Variants in PRPF31 observed in about 807,000 individuals in gnomAD.
PRPF31 encodes pre-mRNA processing factor 31, also known as U4/U6 small nuclear ribonucleoprotein Prp31.
Under a neutral mutation model 60.4 loss-of-function variants are expected in PRPF31, and 12 were observed. That is an observed-to-expected ratio of 0.20 (90% CI 0.13 to 0.32). PRPF31 has a LOEUF of 0.32. Ranked by LOEUF, PRPF31 falls within the 10% of genes least tolerant of loss-of-function variation. The pLI is 1.00. For missense variants in PRPF31, 431 were observed against 687.1 expected, an observed-to-expected ratio of 0.63 and a Z score of 4.17; for synonymous variants, 287 against 287.9, an observed-to-expected ratio of 1.00 and a Z score of 0.03.
intron 13 of PRPF31, among the ~76,000 whole-genome samples, 190 bp from the exon 14 acceptor site, chr19:54,131,117 C>G (rs1245769031): frequency 6.6e-6 from 1 of 152,180 alleles, no homozygotes; most frequent in Admixed American, 6.5e-5. Flanking sequence ...GCCCTGGTTC[C>G]TCCCCACCCT....
At chr19:54,116,439 CAG>C (rs2073641177) in intron 1 of PRPF31, among the ~76,000 whole-genome samples, 1 of 151,982 alleles carries the variant, frequency 6.6e-6, no homozygotes, top group East Asian at 1.9e-4. Flanking sequence ...CTCCTGACCT[CAG>C]ATGATCCACC....
At chr19:54,130,659 G>T (rs1289511043) in intron 13 of PRPF31, among the ~76,000 whole-genome samples, 1 of 151,994 alleles carries the variant, frequency 6.6e-6, no homozygotes, top group Non-Finnish European at 1.5e-5. Flanking sequence ...ATGCCAGGGA[G>T]GGGAGGAGGT....
rs775546768 is a variant in PRPF31 at position 54,123,787 on chromosome 19, A to C, written c.566A>C (p.Glu189Ala). The change falls in exon 7 of 14, where the codon GAG becomes GCG. Residue 189 changes from glutamate (E) to alanine (A), a missense_variant. Around this residue, in one of 4 missense-constraint regions of PRPF31, gnomAD observed 314 missense variants for 475.3 expected, o/e 0.66. Transcript: ENST00000321030. ...GAGGAGGAGCTGGAGCGGCTGGAGG[A>C]GGCCTGCGACATGGCGCTGGAGCTG... The part of the protein sequence containing the change: ...LSEEELERLE[E>A]ACDMALELNA... 1 of 1,611,158 alleles carries C rather than the reference A, an allele frequency of 6.2e-7. No homozygotes were observed. Among genetic ancestry groups the C allele is most frequent in the Non-Finnish European group, 8.5e-7 (1 of 1,179,762 alleles).
At chr19:54,126,748 C>T (rs2073931948) in intron 9 of PRPF31, 131 bp downstream of exon 9, 2 of 938,134 alleles carry the variant, frequency 2.1e-6, no homozygotes, top group Non-Finnish European at 3.4e-6. Context: ...AGTGCTTCTG[C>T]CCACCCTCCC....
chr19:54,124,018 G>C, intron 7 of PRPF31, 100 bp downstream of exon 7: 1 of 1,569,280 alleles, frequency 6.4e-7, no homozygotes, highest in Non-Finnish European at 8.6e-7. Context: ...TTGGCACCTG[G>C]ACCTCAGCAC....
At position 54,131,582 on chromosome 19, in the gene PRPF31, C is replaced by A; in HGVS notation, c.*150C>A. 1 of 1,225,736 alleles carries A rather than the reference C, an allele frequency of 8.2e-7. No homozygotes were observed. Among genetic ancestry groups the A allele is most frequent in the Non-Finnish European group, 1.2e-6 (1 of 861,830 alleles). 75.9% of individuals were successfully genotyped at this position (1,225,736 alleles called of 1,614,324 possible). On this transcript the variant is annotated 3_prime_UTR_variant, in exon 14 of 14. Coordinates refer to ENST00000321030, the MANE Select transcript of PRPF31 (RefSeq NM_015629.4). ...CCCAGGGAGGAGGCCTTGGAAGAGTCCGGCCTGGCCTCCCCCAGGACCGAG... is the reference window on the plus strand; with the variant it reads ...CCCAGGGAGGAGGCCTTGGAAGAGTACGGCCTGGCCTCCCCCAGGACCGAG...
At chr19:54,119,660 C>T (rs1317521067) in intron 3 of PRPF31, 1 of 151,998 alleles carries the variant, frequency 6.6e-6, no homozygotes, top group African/African-American at 2.4e-5. Context: ...CCATGCCTGG[C>T]TATTTTGTAT....
chr19:54,129,437 C>T lies in PRPF31; in HGVS notation c.1374+67C>T. 2.0e-6 allele frequency: 3 copies of T among 1,517,580 alleles called. No homozygotes were observed. The South Asian group carries it at 3.6e-5, about 18-fold the overall frequency. The allele number at this position is 1,517,580 out of a possible 1,614,324, so 94.0% of individuals were successfully genotyped here. ...TGGCAAGGCCCCTTGCCCTCTGCCCCTGTGAAGAAGGCCAGGATGAGTCTC... is the reference window on the plus strand; with the variant it reads ...TGGCAAGGCCCCTTGCCCTCTGCCCTTGTGAAGAAGGCCAGGATGAGTCTC... On this transcript the variant is annotated intron_variant, in intron 13 of 13. Coordinates refer to ENST00000321030, the MANE Select transcript of PRPF31 (RefSeq NM_015629.4).
chr19:54,119,150 A>G (rs62143395), intron 3 of PRPF31, among the ~76,000 whole-genome samples: 20,123 of 152,106 alleles, frequency 0.13, 1,381 homozygotes, highest in Admixed American at 0.19. Context: ...TGGGAGGCGG[A>G]GGCAGGTGGA....
intron 3 of PRPF31, among the ~76,000 whole-genome samples, chr19:54,119,077 T>C (rs991404669): frequency 6.6e-6 from 1 of 152,130 alleles, no homozygotes; most frequent in Non-Finnish European, 1.5e-5. Context: ...AAAATAGATA[T>C]ATAATTATTT....
intron 10 of PRPF31, 51 bp downstream of exon 10, chr19:54,128,251 C>A (rs369707620): frequency 5.8e-6 from 9 of 1,558,870 alleles, no homozygotes; most frequent in Non-Finnish European, 1.7e-6. Context: ...AGGGGAGAAG[C>A]CGGCGTCCTC....
At chr19:54,128,910 C>T in intron 11 of PRPF31, 147 bp from the exon 12 acceptor site, 1 of 836,180 alleles carries the variant, frequency 1.2e-6, no homozygotes, top group Non-Finnish European at 1.9e-6. Flanking sequence ...CCCCAGGCCT[C>T]AGCCGGGCCG....
At chr19:54,118,903 C>G in intron 3 of PRPF31, 1 of 526,978 alleles carries the variant, frequency 1.9e-6, no homozygotes, top group South Asian at 3.1e-5. Context: ...TTCACATGAC[C>G]GGTTACAGGG....
At chr19:54,121,544 C>G (rs1408194642) in intron 3 of PRPF31, among the ~76,000 whole-genome samples, 4 of 152,154 alleles carry the variant, frequency 2.6e-5, no homozygotes, top group Admixed American at 2.6e-4. Context: ...CCCTGCAGAG[C>G]TTCCGGAGTT....
intron 7 of PRPF31, 169 bp downstream of exon 7, chr19:54,124,087 G>T: frequency 7.3e-7 from 1 of 1,374,954 alleles, no homozygotes; most frequent in East Asian, 2.5e-5. Context: ...AGCCTCATCT[G>T]TGGGAAAAAC....
At chr19:54,123,673 C>A in intron 6 of PRPF31, 76 bp from the exon 7 acceptor site, 1 of 1,540,530 alleles carries the variant, frequency 6.5e-7, no homozygotes, top group Non-Finnish European at 8.8e-7. Context: ...CACACACACA[C>A]AGAACCGAGA....
At chr19:54,122,863 G>C in intron 5 of PRPF31, 1 of 582,288 alleles carries the variant, frequency 1.7e-6, no homozygotes, top group South Asian at 2.0e-5. Context: ...CATTGGAGTT[G>C]ACATCCGAAG....
intron 9 of PRPF31, among the ~76,000 whole-genome samples, chr19:54,127,555 T>C (rs2073949757): frequency 6.6e-6 from 1 of 152,192 alleles, no homozygotes; most frequent in East Asian, 1.9e-4. Context: ...TCTTTGGGCA[T>C]GTGTGTGTTG....
chr19:54,117,000 C>T (rs1460796196), intron 1 of PRPF31, among the ~76,000 whole-genome samples: 2 of 152,090 alleles, frequency 1.3e-5, no homozygotes, highest in Admixed American at 6.6e-5. Context: ...GAGGCTGAGG[C>T]GGGAGAATCG....
Sources: allele counts gnomAD v4.1 joint callset (sites outside exome capture counted in the v4.1 genomes callset), GRCh38; gene constraint gnomAD v4.1.1; regional missense constraint gnomAD v4.1.1; transcripts MANE v1.5; gene names NCBI Gene and HGNC (gene_info 2026-07-23, HGNC 2026-07-21).